The following KCNH5 variants were observed in gnomAD, a reference collection of about 807,000 sequenced individuals.
KCNH5 encodes voltage-gated delayed rectifier potassium channel KCNH5.
KCNH5 carries 46 observed loss-of-function variants against 96.1 expected under a neutral mutation model. The observed-to-expected ratio is 0.48, with a 90% CI of 0.38 to 0.61. KCNH5 has a LOEUF of 0.61. Ranked by LOEUF, KCNH5 falls within the 20% of genes least tolerant of loss-of-function variation. The pLI, the probability that KCNH5 is intolerant of heterozygous loss-of-function variation, is 0.00. For missense variants in KCNH5, 907 were observed against 1,225.8 expected, an observed-to-expected ratio of 0.74 and a Z score of 3.88; for synonymous variants, 439 against 449.8, an observed-to-expected ratio of 0.98 and a Z score of 0.30.
intron 4 of KCNH5, among the ~76,000 whole-genome samples, chr14:62,992,421 G>T (rs191254298): frequency 6.6e-6 from 1 of 152,090 alleles, no homozygotes; most frequent in Admixed American, 6.6e-5. Context: ...CATTGAGGTT[G>T]TACTAACCTA....
At chr14:62,834,496 A>G (rs900431048) in intron 8 of KCNH5, among the ~76,000 whole-genome samples, 7 of 152,036 alleles carry the variant, frequency 4.6e-5, no homozygotes, top group African/African-American at 1.7e-4. Context: ...ATATAAGTGA[A>G]CTTCTGTATC....
intron 9 of KCNH5, among the ~76,000 whole-genome samples, chr14:62,801,701 T>C (rs1886664469): frequency 6.6e-6 from 1 of 152,126 alleles, no homozygotes; most frequent in Admixed American, 6.6e-5. Flanking sequence ...ATAATTTTTA[T>C]GGCCTATTAA....
chr14:62,764,946 C>T (rs1432471224), intron 10 of KCNH5, among the ~76,000 whole-genome samples: 1 of 152,110 alleles, frequency 6.6e-6, no homozygotes, highest in African/African-American at 2.4e-5. Context: ...ACTATAATGT[C>T]CAATGGTATT....
At chr14:62,970,315 C>T (rs1046611567) in intron 6 of KCNH5, among the ~76,000 whole-genome samples, 10 of 152,168 alleles carry the variant, frequency 6.6e-5, no homozygotes, top group African/African-American at 1.9e-4. Context: ...AATAGAACTA[C>T]ATCTATTAAA....
chr14:62,951,393 G>C (rs765406934), intron 6 of KCNH5, among the ~76,000 whole-genome samples: 1 of 152,212 alleles, frequency 6.6e-6, no homozygotes, highest in South Asian at 2.1e-4. Context: ...TGCAGAGGTA[G>C]GATAAGTTCA....
intron 7 of KCNH5, among the ~76,000 whole-genome samples, chr14:62,881,344 TA>T (rs1888487755): frequency 6.6e-6 from 1 of 152,170 alleles, no homozygotes; most frequent in East Asian, 1.9e-4. Flanking sequence ...TTTTTTTTTT[TA>T]GTAAGAAACT....
At chr14:62,824,902 C>T (rs1887190090) in intron 8 of KCNH5, among the ~76,000 whole-genome samples, 1 of 151,924 alleles carries the variant, frequency 6.6e-6, no homozygotes. Flanking sequence ...GGATAATGGC[C>T]TCCAGCTGCA....
intron 6 of KCNH5, among the ~76,000 whole-genome samples, chr14:62,976,816 G>A (rs1483435441): frequency 6.6e-6 from 1 of 152,162 alleles, no homozygotes; most frequent in Non-Finnish European, 1.5e-5. Context: ...ATTATAGCTA[G>A]CTTAACTATC....
Position 62,707,618 on chromosome 14 carries a change from G to A in KCNH5, c.2857C>T (p.Pro953Ser). ...ACTTGGAGTGGCATTTGGGATTTGG[G>A]AGATGAGGCCTGGGGTACGCTTTTT... Reference protein sequence around the residue: ...SEKSVPQASSPKSQMPLQVPP... With the variant: ...SEKSVPQASSSKSQMPLQVPP... Residue 953 changes from proline to serine, a missense_variant, in exon 11 of 11, where the codon CCC becomes TCC. Physicochemically the swap from Pro to Ser is moderately conservative, Grantham distance 74. Coordinates refer to ENST00000322893, the MANE Select transcript of KCNH5 (RefSeq NM_139318.5). The A allele has an allele frequency of 6.4e-7, 1 of 1,551,860 alleles. No homozygotes were observed. Among genetic ancestry groups the A allele is most frequent in the Non-Finnish European group, 8.7e-7 (1 of 1,145,984 alleles).
At chr14:62,983,743 T>C (rs1437566744) in intron 5 of KCNH5, among the ~76,000 whole-genome samples, 1 of 152,134 alleles carries the variant, frequency 6.6e-6, no homozygotes, top group Admixed American at 6.5e-5. Context: ...ATACCTAGAC[T>C]CCACCCTGGA....
intron 10 of KCNH5, among the ~76,000 whole-genome samples, chr14:62,719,076 ATGTT>A (rs1162868534): frequency 1.3e-5 from 2 of 152,226 alleles, no homozygotes; most frequent in East Asian, 3.8e-4. Context: ...ATGACCACAA[ATGTT>A]TGTGGGTTTC....
At chr14:62,972,912 T>C (rs1276576277) in intron 6 of KCNH5, among the ~76,000 whole-genome samples, 7 of 152,182 alleles carry the variant, frequency 4.6e-5, no homozygotes, top group Non-Finnish European at 1.0e-4. Context: ...AACTAATCTG[T>C]GTGATGCTGT....
At chr14:62,907,385 G>A (rs1251834252) in intron 7 of KCNH5, among the ~76,000 whole-genome samples, 1 of 152,162 alleles carries the variant, frequency 6.6e-6, no homozygotes, top group Non-Finnish European at 1.5e-5. Flanking sequence ...GAGAAGAAAT[G>A]AAATAAGTCT....
intron 8 of KCNH5, among the ~76,000 whole-genome samples, chr14:62,828,378 T>C (rs1167562478): frequency 6.6e-6 from 1 of 152,180 alleles, no homozygotes; most frequent in Non-Finnish European, 1.5e-5. Flanking sequence ...GCTGTATTAA[T>C]CCATTTTCAC....
intron 10 of KCNH5, among the ~76,000 whole-genome samples, chr14:62,764,698 A>T (rs1325447475): frequency 1.3e-5 from 2 of 152,232 alleles, no homozygotes; most frequent in Non-Finnish European, 2.9e-5. Context: ...ATATAAAAAA[A>T]TCAGTAGCAT....
At chr14:62,734,587 C>T (rs1255674222) in intron 10 of KCNH5, among the ~76,000 whole-genome samples, 1 of 152,184 alleles carries the variant, frequency 6.6e-6, no homozygotes, top group Non-Finnish European at 1.5e-5. Context: ...TTACCCAATC[C>T]CCACATACAC....
intron 2 of KCNH5, among the ~76,000 whole-genome samples, chr14:63,007,964 T>C (rs1366210046): frequency 1.3e-5 from 2 of 152,186 alleles, no homozygotes; most frequent in Non-Finnish European, 2.9e-5. Context: ...AAGAACTACA[T>C]GTCTCTAAAA....
chr14:62,822,987 T>C (rs35896256), intron 8 of KCNH5, among the ~76,000 whole-genome samples: 25,122 of 152,024 alleles, frequency 0.17, 2,343 homozygotes, highest in Admixed American at 0.21. Context: ...AAACAGAAAT[T>C]TATTCTAGGT....
intron 4 of KCNH5, among the ~76,000 whole-genome samples, chr14:62,995,977 G>A (rs1484711312): frequency 6.6e-6 from 1 of 152,012 alleles, no homozygotes; most frequent in African/African-American, 2.4e-5. Context: ...CTCAGGTTAA[G>A]TAACTCTGGT....
Sources: allele counts gnomAD v4.1 joint callset (sites outside exome capture counted in the v4.1 genomes callset), GRCh38; gene constraint gnomAD v4.1.1; transcripts MANE v1.5; gene names NCBI Gene and HGNC (gene_info 2026-07-23, HGNC 2026-07-21).